Variants in SGK1 observed in about 807,000 individuals in gnomAD.
SGK1 encodes serum/glucocorticoid regulated kinase 1, also known as serine/threonine-protein kinase Sgk1.
A neutral mutation model predicts 64.2 loss-of-function variants in SGK1; 26 were observed. The ratio of observed to expected loss-of-function variants is 0.40; its 90% confidence interval spans 0.30 to 0.56. The LOEUF (loss-of-function observed/expected upper bound fraction) is 0.56. SGK1 is among the 20% of genes least tolerant of loss of function. The pLI is 0.38. For missense variants in SGK1, 519 were observed against 645.6 expected (o/e 0.80, Z 2.12); for synonymous variants, 265 against 239.7 (o/e 1.11, Z -0.98).
intron 1 of SGK1, chr6:134,298,522 C>T (rs114845126): frequency 2.0e-5 from 16 of 802,252 alleles, no homozygotes; most frequent in Middle Eastern, 3.1e-4. Flanking sequence ...CCTCCCATGC[C>T]GCTGGCCCCA....
chr6:134,184,821 C>A (rs960355289), intron 3 of SGK1, among the ~76,000 whole-genome samples: 2 of 152,048 alleles, frequency 1.3e-5, no homozygotes, highest in Non-Finnish European at 2.9e-5. Flanking sequence ...GTAGTTGGGA[C>A]CACAGGTGTG....
intron 2 of SGK1, among the ~76,000 whole-genome samples, chr6:134,242,495 AAAG>A (rs1776464976): frequency 6.6e-6 from 1 of 152,154 alleles, no homozygotes; most frequent in Admixed American, 6.5e-5. Context: ...CAAAAAAAAA[AAAG>A]AATTAGGAAT....
At chr6:134,178,884 T>C (rs1308328079) in intron 3 of SGK1, among the ~76,000 whole-genome samples, 2 of 152,098 alleles carry the variant, frequency 1.3e-5, no homozygotes, top group Non-Finnish European at 1.5e-5. Flanking sequence ...AACCCTCAAG[T>C]AGGAATGACT....
intron 3 of SGK1, among the ~76,000 whole-genome samples, chr6:134,181,888 C>T (rs1356208140): frequency 6.6e-6 from 1 of 152,026 alleles, no homozygotes; most frequent in Non-Finnish European, 1.5e-5. Flanking sequence ...TATGGAGTCT[C>T]ACTTCATCAC....
At chr6:134,245,820 A>T (rs1456922579) in intron 2 of SGK1, among the ~76,000 whole-genome samples, 1 of 152,238 alleles carries the variant, frequency 6.6e-6, no homozygotes, top group African/African-American at 2.4e-5. Flanking sequence ...GTGAGACCTC[A>T]TCTGTATCAA....
intron 1 of SGK1, among the ~76,000 whole-genome samples, chr6:134,283,668 T>C (rs914643738): frequency 2.6e-5 from 4 of 151,310 alleles, no homozygotes; most frequent in Admixed American, 2.0e-4. Flanking sequence ...GGCAATACAG[T>C]GAGACCTTGT....
chr6:134,235,555 T>TTATTTATG (rs1776350000), intron 2 of SGK1, among the ~76,000 whole-genome samples: 1 of 147,368 alleles, frequency 6.8e-6, no homozygotes, highest in Non-Finnish European at 1.5e-5. Context: ...ATTTATTTAT[T>TTATTTATG]TATTTATTTA....
chr6:134,296,865 A>C, intron 1 of SGK1: 1 of 201,396 alleles, frequency 5.0e-6, no homozygotes, highest in South Asian at 7.4e-5. Context: ...ACTTCCCCGC[A>C]CGTGGGCTGA....
rs202037555 is a variant in SGK1 at position 134,262,003 on chromosome 6, T to C, written c.215A>G (p.His72Arg). 33 of 1,613,946 alleles carry C rather than the reference T, an allele frequency of 2.0e-5. No homozygotes were observed. In the East Asian group the frequency reaches 7.4e-4, roughly 36 times the overall value. ...SSLCQTCLGE[H>R]AFQRGVLPQE... The stretch of plus-strand genomic sequence containing the variant: ...AGGGAGAACCCCTCTTTGGAAAGCA[T>C]GTTCACCCAGGCATGTTTGACACAA... Residue 72 changes from histidine to arginine, a missense_variant, in exon 2 of 14, where the codon CAT (histidine) becomes CGT (arginine). Around this residue, in one of 2 missense-constraint regions of SGK1, gnomAD observed 241 missense variants for 236.9 expected, o/e 1.02. Coordinates refer to ENST00000367858, the MANE Select transcript of SGK1 (RefSeq NM_001143676.3).
intron 3 of SGK1, among the ~76,000 whole-genome samples, chr6:134,204,141 TA>T: frequency 6.6e-6 from 1 of 151,072 alleles, no homozygotes. Flanking sequence ...TTGACTGAAT[TA>T]AAAGAACCAA....
intron 1 of SGK1, among the ~76,000 whole-genome samples, chr6:134,278,947 CTG>C (rs1777055085): frequency 6.6e-6 from 1 of 151,804 alleles, no homozygotes. Flanking sequence ...TAACATGAAT[CTG>C]TGTAAATGGA....
chr6:134,252,798 A>T (rs1372126333), intron 2 of SGK1, among the ~76,000 whole-genome samples: 1 of 152,166 alleles, frequency 6.6e-6, no homozygotes, highest in Admixed American at 6.5e-5. Context: ...CTTAGGAATC[A>T]CCAGACACCT....
intron 3 of SGK1, chr6:134,175,497 C>T: frequency 7.0e-7 from 1 of 1,418,728 alleles, no homozygotes. Flanking sequence ...CCAAGCCGCT[C>T]TGGGGAAGTG....
At chr6:134,231,301 G>A (rs1214616842) in intron 2 of SGK1, among the ~76,000 whole-genome samples, 1 of 152,148 alleles carries the variant, frequency 6.6e-6, no homozygotes, top group East Asian at 1.9e-4. Flanking sequence ...AAAATGCTTT[G>A]TCCACATATA....
chr6:134,225,846 G>A lies in SGK1; in HGVS notation c.286-18415C>T, dbSNP rs572453344. Among the ~76,000 whole-genome samples the A allele has an allele frequency of 7.4e-4, 113 of 152,098 alleles. 1 individual carries two copies. The highest frequency in any genetic ancestry group is 1.2e-3 in the Non-Finnish European group (81 of 67,998). ...CCAGTACTTTGGGAGGCTGAGGTGGGAGGATGGCTTGAGCCCAGGAGTTTG... is the reference window on the plus strand; with the variant it reads ...CCAGTACTTTGGGAGGCTGAGGTGGAAGGATGGCTTGAGCCCAGGAGTTTG... On this transcript the variant is annotated intron_variant, in intron 2 of 13. Coordinates refer to ENST00000367858, the MANE Select transcript of SGK1 (RefSeq NM_001143676.3).
intron 2 of SGK1, among the ~76,000 whole-genome samples, chr6:134,250,023 G>A (rs1776582898): frequency 6.6e-6 from 1 of 152,108 alleles, no homozygotes; most frequent in Admixed American, 6.5e-5. Context: ...ATCAAACCCA[G>A]CCAGAGATGC....
chr6:134,174,956 G>A (rs1022719061), intron 3 of SGK1: 84 of 1,395,728 alleles, frequency 6.0e-5, no homozygotes, highest in Middle Eastern at 2.6e-4. Context: ...CCTTCGCCTC[G>A]CCCCTCGCCC....
chr6:134,175,591 C>G (rs1302623750), intron 3 of SGK1: 35 of 1,570,766 alleles, frequency 2.2e-5, no homozygotes, highest in Non-Finnish European at 3.0e-5. Flanking sequence ...CGCCTCGGCC[C>G]TCTTTTTGTG....
rs1039461455 is a variant in SGK1, at chr6:134,254,868, A to AT, written c.285+7064dup. ...GGATATGTCAATATATACAAATCTC[A>AT]TTTTTTTTTTCTTTTTTGAGACAGA... On this transcript the variant is annotated intron_variant, in intron 2 of 13. Transcript: ENST00000367858. 9.0e-4 allele frequency among the ~76,000 whole-genome samples: 134 copies of AT among 149,546 alleles called. 1 individual carries two copies. The highest frequency in any genetic ancestry group is 2.3e-3 in the African/African-American group (93 of 40,852).
Sources: allele counts gnomAD v4.1 joint callset (sites outside exome capture counted in the v4.1 genomes callset), GRCh38; gene constraint gnomAD v4.1.1; regional missense constraint gnomAD v4.1.1; transcripts MANE v1.5; gene names NCBI Gene and HGNC (gene_info 2026-07-23, HGNC 2026-07-21).